Variants in MEF2C observed in about 807,000 individuals in gnomAD.
MEF2C encodes the protein myocyte-specific enhancer factor 2C.
A neutral mutation model predicts 50.5 loss-of-function variants in MEF2C; 6 were observed. That is an observed-to-expected ratio of 0.12 (90% confidence interval 0.07 to 0.23). The LOEUF is 0.23. Among genes scored for constraint, MEF2C ranks in the 10% least tolerant of loss-of-function variants. The pLI is 1.00. For synonymous variants in MEF2C, 183 were observed against 228.0 expected (o/e 0.80, Z 1.78); for missense variants, 276 against 605.0 (o/e 0.46, Z 5.70).
chr5:88,868,581 G>T (rs1304986448), intron 1 of MEF2C, among the ~76,000 whole-genome samples: 1 of 152,128 alleles, frequency 6.6e-6, no homozygotes, highest in Non-Finnish European at 1.5e-5. Context: ...TAGTTAGTGA[G>T]GCTGTCTACT....
chr5:88,759,701 A>G (rs1392256856), intron 4 of MEF2C, among the ~76,000 whole-genome samples: 1 of 152,204 alleles, frequency 6.6e-6, no homozygotes, highest in Admixed American at 6.5e-5. Context: ...AAGAATTTAT[A>G]GCACTTAGCT....
intron 3 of MEF2C, among the ~76,000 whole-genome samples, chr5:88,803,414 G>T (rs1164206250): frequency 6.6e-6 from 1 of 152,192 alleles, no homozygotes; most frequent in African/African-American, 2.4e-5. Context: ...AAGGGAGATG[G>T]ATGTGGGAGG....
At chr5:88,844,037 C>T (rs774572096) in intron 1 of MEF2C, among the ~76,000 whole-genome samples, 1 of 152,116 alleles carries the variant, frequency 6.6e-6, no homozygotes, top group Non-Finnish European at 1.5e-5. Context: ...ATCTTGATCT[C>T]CTGACCTCGT....
At chr5:88,733,196 A>G (rs1762426775) in intron 6 of MEF2C, 1 of 985,224 alleles carries the variant, frequency 1.0e-6, no homozygotes, top group African/African-American at 1.7e-5. Flanking sequence ...GCCTTAAAGA[A>G]AGGCCATAGG....
chr5:88,858,509 C>T (rs1222350415), intron 1 of MEF2C, among the ~76,000 whole-genome samples: 2 of 152,190 alleles, frequency 1.3e-5, no homozygotes, highest in Non-Finnish European at 2.9e-5. Flanking sequence ...CAGGAGGAGG[C>T]AGCCCAGTAA....
intron 8 of MEF2C, chr5:88,729,588 A>T: frequency 2.1e-6 from 1 of 469,988 alleles, no homozygotes; most frequent in Non-Finnish European, 3.9e-6. Context: ...AGTAACAAGT[A>T]CCATAGCTTT....
chr5:88,823,610 C>T (rs1471302135), intron 2 of MEF2C, 125 bp downstream of exon 2: 1 of 865,966 alleles, frequency 1.2e-6, no homozygotes, highest in South Asian at 2.3e-5. Context: ...TAACTGGTCA[C>T]ATTTAATTAA....
intron 3 of MEF2C, among the ~76,000 whole-genome samples, chr5:88,763,833 G>A (rs890689389): frequency 3.3e-5 from 5 of 151,958 alleles, no homozygotes; most frequent in African/African-American, 9.7e-5. Flanking sequence ...AATTATTTTT[G>A]TAGAATCAGG....
At chr5:88,873,031 C>T (rs191305410) in intron 1 of MEF2C, among the ~76,000 whole-genome samples, 6 of 151,658 alleles carry the variant, frequency 4.0e-5, no homozygotes, top group East Asian at 1.9e-4. Context: ...TCTCCCACAC[C>T]GATGCTCCCC....
intron 1 of MEF2C, among the ~76,000 whole-genome samples, chr5:88,829,662 G>T (rs373614632): frequency 6.6e-6 from 1 of 151,808 alleles, no homozygotes; most frequent in African/African-American, 2.4e-5. Flanking sequence ...TTAATACTTC[G>T]CCATATTTAC....
At position 88,742,898 on chromosome 5, in the gene MEF2C, T is replaced by C. The variant is rs920190287; in HGVS notation, c.637+6172A>G. ...CTAATTTGAGGACTAGGTTTTTTTTTTTCTTTAATCTTGATAAACTTGGTT... is the reference window on the plus strand; with the variant it reads ...CTAATTTGAGGACTAGGTTTTTTTTCTTCTTTAATCTTGATAAACTTGGTT... On this transcript the variant is annotated intron_variant, in intron 6 of 10. Coordinates refer to ENST00000504921, the MANE Select transcript of MEF2C (RefSeq NM_002397.5). 35 of 984,750 alleles carry C rather than the reference T, an allele frequency of 3.6e-5. No homozygotes were observed. In the African/African-American group the frequency reaches 5.9e-4, roughly 17 times the overall value. The allele number at this position is 984,750 out of a possible 1,614,324, so 61.0% of individuals were successfully genotyped here.
At chr5:88,760,203 A>AAAGTATGT (rs894527870) in intron 4 of MEF2C, among the ~76,000 whole-genome samples, 1 of 152,280 alleles carries the variant, frequency 6.6e-6, no homozygotes, top group African/African-American at 2.4e-5. Context: ...AATCTAATAA[A>AAAGTATGT]AAGTATGTAC....
intron 1 of MEF2C, among the ~76,000 whole-genome samples, chr5:88,856,341 T>G (rs1378480256): frequency 1.3e-5 from 2 of 152,204 alleles, no homozygotes; most frequent in East Asian, 3.8e-4. Flanking sequence ...TCGGAACTTA[T>G]GTTTAAAAGG....
At chr5:88,737,729 C>T (rs1019206325) in intron 6 of MEF2C, 22 of 985,214 alleles carry the variant, frequency 2.2e-5, no homozygotes, top group Non-Finnish European at 2.7e-5. Flanking sequence ...AGGGGCATTC[C>T]TCTGAAGATG....
intron 1 of MEF2C, among the ~76,000 whole-genome samples, chr5:88,856,651 T>C (rs1823496343): frequency 6.6e-6 from 1 of 152,168 alleles, no homozygotes; most frequent in African/African-American, 2.4e-5. Flanking sequence ...CAGCTGTGGC[T>C]AAAACAGCCT....
intron 3 of MEF2C, among the ~76,000 whole-genome samples, chr5:88,763,548 T>A: frequency 6.6e-6 from 1 of 152,220 alleles, no homozygotes; most frequent in East Asian, 1.9e-4. Context: ...TTCCACATAT[T>A]TTTCATTAGA....
intron 1 of MEF2C, among the ~76,000 whole-genome samples, chr5:88,827,945 A>G (rs1811583070): frequency 1.3e-5 from 2 of 151,840 alleles, no homozygotes; most frequent in African/African-American, 4.8e-5. Flanking sequence ...CTGAGGGGGA[A>G]AAGATTCTTA....
intron 1 of MEF2C, among the ~76,000 whole-genome samples, chr5:88,853,707 G>A (rs369776207): frequency 3.3e-5 from 5 of 152,138 alleles, no homozygotes; most frequent in East Asian, 1.9e-4. Context: ...AGATGTCCAC[G>A]TAATGAATTT....
chr5:88,791,460 G>A (rs1793712496), intron 3 of MEF2C, among the ~76,000 whole-genome samples: 1 of 152,002 alleles, frequency 6.6e-6, no homozygotes, highest in Non-Finnish European at 1.5e-5. Context: ...GTAATTATCT[G>A]CTCACTGTGT....
Sources: allele counts gnomAD v4.1 joint callset (sites outside exome capture counted in the v4.1 genomes callset), GRCh38; gene constraint gnomAD v4.1.1; transcripts MANE v1.5; gene names NCBI Gene and HGNC (gene_info 2026-07-23, HGNC 2026-07-21).